Variants in GXYLT1 observed in about 807,000 individuals in gnomAD.
GXYLT1 encodes the protein glucoside xylosyltransferase 1.
A neutral mutation model predicts 54.0 loss-of-function variants in GXYLT1; 29 were observed. The ratio of observed to expected loss-of-function variants is 0.54; its 90% CI spans 0.40 to 0.73. The LOEUF (loss-of-function observed/expected upper bound fraction) is 0.73, where lower values mean the gene tolerates loss of function less well. GXYLT1 is among the 30% of genes least tolerant of loss of function. The pLI is 0.00. For synonymous variants in GXYLT1, 176 were observed against 204.1 expected, an observed-to-expected ratio of 0.86 and a Z score of 1.17; for missense variants, 490 against 553.4, an observed-to-expected ratio of 0.89 and a Z score of 1.15.
chr12:42,112,765 C>A (rs1443316269), intron 3 of GXYLT1, among the ~76,000 whole-genome samples: 1 of 146,578 alleles, frequency 6.8e-6, no homozygotes. Context: ...GGCAGGCCAA[C>A]ATTCAGATTC....
intron 3 of GXYLT1, among the ~76,000 whole-genome samples, chr12:42,113,054 T>A (rs555743692): frequency 1.3e-5 from 2 of 151,012 alleles, no homozygotes; most frequent in East Asian, 3.9e-4. Context: ...GAAGGAGAAA[T>A]AAAATACTTT....
rs919453916 is a variant in GXYLT1, at chr12:42,144,560, G to A, written c.87C>T (p.Ser29=). 1 of 1,463,664 alleles carries A rather than the reference G, an allele frequency of 6.8e-7. No homozygotes were observed. The highest frequency in any genetic ancestry group is 9.0e-7 in the Non-Finnish European group (1 of 1,106,768). 90.7% of individuals were successfully genotyped at this position (1,463,664 alleles called of 1,614,324 possible). Residue 29 remains serine (S), a synonymous_variant, in exon 1 of 8, where the codon TCC becomes TCT. Coordinates refer to ENST00000398675, the MANE Select transcript of GXYLT1 (RefSeq NM_173601.2). The part of the protein sequence containing the change: ...LLYAFSQLAV[S]LEEGTGGGGG... ...CACCGCCGCCCGTTCCTTCTTCCAGGGACACGGCGAGCTGGCTGAAAGCGT... is the reference window on the plus strand; with the variant it reads ...CACCGCCGCCCGTTCCTTCTTCCAGAGACACGGCGAGCTGGCTGAAAGCGT...
At chr12:42,116,469 A>C (rs1220785554) in intron 3 of GXYLT1, among the ~76,000 whole-genome samples, 1 of 152,272 alleles carries the variant, frequency 6.6e-6, no homozygotes, top group Non-Finnish European at 1.5e-5. Context: ...TGGGCGAAGG[A>C]TATCAACAGA....
chr12:42,092,137 T>C (rs1485648067), intron 7 of GXYLT1, among the ~76,000 whole-genome samples: 1 of 152,218 alleles, frequency 6.6e-6, no homozygotes, highest in East Asian at 1.9e-4. Flanking sequence ...TATAGTGAAG[T>C]GTTTTTATTC....
rs577367179 is a variant in GXYLT1 at position 42,087,409 on chromosome 12, T to C, written c.*377A>G. 37 of 162,930 alleles carry C rather than the reference T, an allele frequency of 2.3e-4. 2 individuals are homozygous for C. In the South Asian group the frequency reaches 6.3e-3, roughly 28 times the overall value. The allele number at this position is 162,930 out of a possible 1,614,324, so 10.1% of individuals were successfully genotyped here. On this transcript the variant is annotated 3_prime_UTR_variant, in exon 8 of 8. Coordinates refer to ENST00000398675, the MANE Select transcript of GXYLT1 (RefSeq NM_173601.2). ...AAGTGAGGTTAGTGCTGACATAAAA[T>C]TATTGCTCTACTCACAGTCTTGAGT... is the stretch of plus-strand genomic sequence containing the variant.
rs150172692 is a variant in GXYLT1, at chr12:42,103,239, G to A, written c.864+2579C>T. 3.3e-4 allele frequency among the ~76,000 whole-genome samples: 51 copies of A among 152,260 alleles called. No individual in the cohort carries two copies. In the East Asian group the frequency reaches 9.5e-3, roughly 28 times the overall value. ...CTCCCAAAGTCTTGGAATTACAGGC[G>A]TGAGCCACCACACCTGGACCTATTT... On this transcript the variant is annotated intron_variant, in intron 5 of 7. Coordinates refer to ENST00000398675, the MANE Select transcript of GXYLT1 (RefSeq NM_173601.2).
intron 5 of GXYLT1, among the ~76,000 whole-genome samples, chr12:42,103,989 C>T (rs1026257501): frequency 3.3e-5 from 5 of 152,120 alleles, no homozygotes; most frequent in African/African-American, 1.2e-4. Context: ...TGGCTCACGC[C>T]TATAAACCCA....
Position 42,097,451 on chromosome 12 carries a change from T to C in GXYLT1, c.1152A>G (p.Ala384=). The part of the protein sequence containing the change: ...KQPAFRAVYE[A]LRNCSFEDDN... The stretch of plus-strand genomic sequence containing the variant: ...GAAAGGCAAATCTTACATTTCTCAG[T>C]GCTTCATAAACAGCTCTAAATGCTG... The change falls in exon 7 of 8, where the codon GCA becomes GCG. Residue 384 remains alanine, a synonymous_variant. Transcript: ENST00000398675. 6.4e-7 allele frequency: 1 copy of C among 1,566,038 alleles called. No individual in the cohort carries two copies. The highest frequency in any genetic ancestry group is 8.6e-7 in the Non-Finnish European group (1 of 1,166,468).
In GXYLT1 at chr12:42,144,750, C is replaced by CCCGCAG. The variant is rs914204612; in HGVS notation, c.-110_-105dup. 3.7e-6 allele frequency: 3 copies of CCCGCAG among 801,950 alleles called. No individual in the cohort carries two copies. The highest frequency in any genetic ancestry group is 5.1e-6 in the Non-Finnish European group (3 of 583,664). The allele number at this position is 801,950 out of a possible 1,614,324, so 49.7% of individuals were successfully genotyped here. Reference sequence around the variant, plus strand: ...AGCCGCGGGCGCAACAAGTTCCTCACCCGCAGCCGCCGCCGCCGCCTTGCG... The same window carrying CCCGCAG: ...AGCCGCGGGCGCAACAAGTTCCTCACCCGCAGCCGCAGCCGCCGCCGCCGCCTTGCG... On this transcript the variant is annotated 5_prime_UTR_variant, in exon 1 of 8. Coordinates refer to ENST00000398675, the MANE Select transcript of GXYLT1 (RefSeq NM_173601.2).
At chr12:42,113,338 A>G (rs1199054349) in intron 3 of GXYLT1, among the ~76,000 whole-genome samples, 3 of 151,210 alleles carry the variant, frequency 2.0e-5, no homozygotes, top group Admixed American at 6.6e-5. Flanking sequence ...CAGACTGGCA[A>G]ATTGGATAAA....
chr12:42,118,018 T>A (rs1017135522), intron 3 of GXYLT1, among the ~76,000 whole-genome samples: 1 of 152,190 alleles, frequency 6.6e-6, no homozygotes, highest in African/African-American at 2.4e-5. Flanking sequence ...AGAAGCCTCA[T>A]GTTAAAGATG....
chr12:42,113,866 C>A (rs1235851740), intron 3 of GXYLT1, among the ~76,000 whole-genome samples: 1 of 150,992 alleles, frequency 6.6e-6, no homozygotes, highest in African/African-American at 2.5e-5. Flanking sequence ...CAAAATTGAC[C>A]ACATAGTTGG....
intron 3 of GXYLT1, among the ~76,000 whole-genome samples, chr12:42,118,775 T>C (rs1356529375): frequency 2.0e-5 from 3 of 152,216 alleles, no homozygotes; most frequent in Non-Finnish European, 4.4e-5. Context: ...TCTGCTGCCA[T>C]GTAAGACATG....
chr12:42,133,120 T>TA (rs961178380), intron 1 of GXYLT1, among the ~76,000 whole-genome samples: 8 of 151,986 alleles, frequency 5.3e-5, no homozygotes, highest in African/African-American at 1.2e-4. Context: ...CCATCTCTAA[T>TA]AAAAAAAATC....
chr12:42,138,497 C>G (rs767163530), intron 1 of GXYLT1, among the ~76,000 whole-genome samples: 1 of 151,516 alleles, frequency 6.6e-6, no homozygotes, highest in Non-Finnish European at 1.5e-5. Context: ...TCTACCAGCC[C>G]CCAGCTCCCC....
intron 1 of GXYLT1, among the ~76,000 whole-genome samples, chr12:42,135,770 C>T (rs903550385): frequency 6.6e-5 from 10 of 152,150 alleles, no homozygotes; most frequent in Non-Finnish European, 1.3e-4. Flanking sequence ...AAAGTAGACT[C>T]GTGGTTGCTC....
At chr12:42,115,585 A>G (rs2136901655) in intron 3 of GXYLT1, among the ~76,000 whole-genome samples, 1 of 152,236 alleles carries the variant, frequency 6.6e-6, no homozygotes, top group South Asian at 2.1e-4. Flanking sequence ...GATGTGAAGG[A>G]CCTCTTCAAG....
intron 3 of GXYLT1, among the ~76,000 whole-genome samples, chr12:42,115,983 A>G (rs1036777139): frequency 2.7e-5 from 4 of 150,918 alleles, no homozygotes; most frequent in Non-Finnish European, 5.9e-5. Context: ...CCGCATATCT[A>G]TAACTATCTG....
At chr12:42,137,567 A>ACGGTG (rs2065626920) in intron 1 of GXYLT1, among the ~76,000 whole-genome samples, 1 of 150,400 alleles carries the variant, frequency 6.6e-6, no homozygotes, top group African/African-American at 2.4e-5. Context: ...CCTGGCTAAC[A>ACGGTG]CGGTGCGGTG....
Sources: gnomAD v4.1 joint callset for allele counts (sites outside exome capture counted in the v4.1 genomes callset) on GRCh38, gnomAD v4.1.1 for gene constraint, MANE v1.5 for transcripts, NCBI Gene and HGNC (gene_info 2026-07-23, HGNC 2026-07-21) for gene names.